The following TASP1 variants were observed in gnomAD, a reference collection of about 807,000 sequenced individuals.
The protein encoded by TASP1 is threonine aspartase 1.
TASP1 carries 16 observed loss-of-function variants against 56.6 expected under a neutral mutation model. That is an observed-to-expected ratio of 0.28 (90% CI 0.19 to 0.43). The LOEUF is 0.43. Ranked by LOEUF, TASP1 falls within the 20% of genes least tolerant of loss-of-function variation. The probability of loss-of-function intolerance (pLI) is 1.00; values close to 1 mark genes in which losing one functional copy is unlikely to be tolerated. For missense variants in TASP1, 393 were observed against 511.6 expected, an observed-to-expected ratio of 0.77 and a Z score of 2.24; for synonymous variants, 179 against 184.2, an observed-to-expected ratio of 0.97 and a Z score of 0.23.
chr20:13,435,999 T>C (rs2042988273), intron 11 of TASP1, among the ~76,000 whole-genome samples: 2 of 151,946 alleles, frequency 1.3e-5, no homozygotes, highest in African/African-American at 4.8e-5. Context: ...CATAGCCCAA[T>C]AAGGGCAGAG....
chr20:13,430,432 C>A (rs2042766548), intron 12 of TASP1, among the ~76,000 whole-genome samples: 1 of 152,112 alleles, frequency 6.6e-6, no homozygotes, highest in South Asian at 2.1e-4. Context: ...TCTCTGAGGC[C>A]GTTGGCAGGA....
chr20:13,235,934 C>CT, the TASP1 span, among the ~76,000 whole-genome samples: 2 of 150,114 alleles, frequency 1.3e-5, no homozygotes, highest in South Asian at 2.1e-4. Context: ...TCCCTTTTTT[C>CT]TTTTTTTTGA....
At chr20:13,180,691 G>C in the TASP1 span, among the ~76,000 whole-genome samples, 1 of 152,158 alleles carries the variant, frequency 6.6e-6, no homozygotes, top group Non-Finnish European at 1.5e-5. Context: ...GCCAGGCCGT[G>C]AGAAACTGTT....
the TASP1 span, among the ~76,000 whole-genome samples, chr20:13,252,044 C>T: frequency 0.012 from 1,842 of 152,214 alleles, 12 homozygotes; most frequent in Middle Eastern, 0.024. Flanking sequence ...ATGAGCTTTC[C>T]AGTTGGGGGC....
intron 8 of TASP1, among the ~76,000 whole-genome samples, chr20:13,538,995 C>A (rs910965322): frequency 1.3e-5 from 2 of 152,056 alleles, no homozygotes; most frequent in Non-Finnish European, 2.9e-5. Flanking sequence ...TTGCAGTGAG[C>A]CGAGATCACG....
chr20:13,550,147 T>TACACACATAC lies in TASP1; in HGVS notation c.675+8860_675+8861insGTATGTGTGT, dbSNP rs1555786688. On this transcript the variant is annotated intron_variant, in intron 8 of 13. Transcript: ENST00000337743. Reference sequence around the variant, plus strand: ...TTCCTAAATATGGAATATATACACATACACACACACACACACACACACACA... The same window carrying TACACACATAC: ...TTCCTAAATATGGAATATATACACATACACACATACACACACACACACACACACACACACA... Among the ~76,000 whole-genome samples, 3 of 135,400 alleles carry TACACACATAC rather than the reference T, an allele frequency of 2.2e-5. No individual in the cohort carries two copies. The East Asian group carries it at 6.5e-4, about 29-fold the overall frequency. The allele number at this position is 135,400 out of a possible 152,430, so 88.8% of individuals were successfully genotyped here. A position where few individuals can be genotyped will look rare whatever the true frequency, so the allele number is the denominator to read the frequency against.
At chr20:13,261,815 G>C in the TASP1 span, among the ~76,000 whole-genome samples, 5 of 152,118 alleles carry the variant, frequency 3.3e-5, no homozygotes, top group African/African-American at 1.2e-4. Flanking sequence ...GGGTCCCTAG[G>C]CCACCCCTAC....
chr20:13,495,598 A>G (rs2043691805), intron 10 of TASP1, among the ~76,000 whole-genome samples: 2 of 152,214 alleles, frequency 1.3e-5, no homozygotes, highest in Admixed American at 1.3e-4. Flanking sequence ...AGTAGCAGAT[A>G]AAAGAAGAAA....
At chr20:13,482,905 AT>A (rs1447464586) in intron 11 of TASP1, among the ~76,000 whole-genome samples, 1 of 152,228 alleles carries the variant, frequency 6.6e-6, no homozygotes, top group Admixed American at 6.5e-5. Context: ...ATGCCTATTC[AT>A]GACTCATTTC....
At chr20:13,473,965 T>A (rs2044622012) in intron 11 of TASP1, among the ~76,000 whole-genome samples, 1 of 152,122 alleles carries the variant, frequency 6.6e-6, no homozygotes, top group Non-Finnish European at 1.5e-5. Context: ...TCCTAGCTAC[T>A]TAGGAGGCTG....
chr20:13,126,541 A>G, the TASP1 span: 3 of 1,603,920 alleles, frequency 1.9e-6, no homozygotes, highest in South Asian at 2.2e-5. Context: ...TCCCACCACC[A>G]GTGTTGAGAT....
chr20:13,358,309 C>T, the TASP1 span, among the ~76,000 whole-genome samples: 2 of 152,224 alleles, frequency 1.3e-5, no homozygotes, highest in African/African-American at 4.8e-5. Flanking sequence ...GTTTGGTGGT[C>T]TCTTCACACG....
chr20:13,210,616 CGTGTGTGT>C, the TASP1 span, among the ~76,000 whole-genome samples: 213 of 147,500 alleles, frequency 1.4e-3, no homozygotes, highest in African/African-American at 4.5e-3. Flanking sequence ...CATGTGCACA[CGTGTGTGT>C]GTGTGTGTGT....
At chr20:13,411,042 C>T (rs1314967078) in intron 13 of TASP1, among the ~76,000 whole-genome samples, 2 of 152,148 alleles carry the variant, frequency 1.3e-5, no homozygotes, top group African/African-American at 4.8e-5. Flanking sequence ...CATTCTTCTG[C>T]ATATGAATAT....
chr20:13,573,480 T>C (rs1470321114), intron 6 of TASP1, among the ~76,000 whole-genome samples: 2 of 152,218 alleles, frequency 1.3e-5, no homozygotes, highest in Non-Finnish European at 2.9e-5. Context: ...AGGTGTTTTG[T>C]TATAGTAGAA....
intron 8 of TASP1, among the ~76,000 whole-genome samples, chr20:13,540,969 T>C (rs189450802): frequency 8.7e-4 from 133 of 152,308 alleles, no homozygotes; most frequent in African/African-American, 3.0e-3. Context: ...TTTTCAACTT[T>C]TTCCTATTGG....
chr20:13,333,434 G>C, the TASP1 span, among the ~76,000 whole-genome samples: 1 of 152,218 alleles, frequency 6.6e-6, no homozygotes, highest in East Asian at 1.9e-4. Context: ...AGAGCAAGAT[G>C]AGATTTGAGC....
At chr20:13,594,386 G>T (rs2047650840) in intron 4 of TASP1, among the ~76,000 whole-genome samples, 1 of 152,232 alleles carries the variant, frequency 6.6e-6, no homozygotes, top group Admixed American at 6.5e-5. Flanking sequence ...TTGAGGAGAT[G>T]ACAGAAGTAG....
intron 10 of TASP1, among the ~76,000 whole-genome samples, chr20:13,517,887 C>A (rs372523237): frequency 1.4e-4 from 22 of 152,154 alleles, no homozygotes; most frequent in African/African-American, 5.3e-4. Context: ...GAATTCCCAT[C>A]CCAGATAATT....
Sources: allele counts gnomAD v4.1 joint callset (sites outside exome capture counted in the v4.1 genomes callset), GRCh38; gene constraint gnomAD v4.1.1; transcripts MANE v1.5; gene names NCBI Gene and HGNC (gene_info 2026-07-23, HGNC 2026-07-21).